Variants in HS3ST6 observed in about 807,000 individuals in gnomAD.
HS3ST6 encodes the protein heparan sulfate-glucosamine 3-sulfotransferase 6, also known as heparan sulfate glucosamine 3-O-sulfotransferase 6.
In HS3ST6, 13 loss-of-function variants were observed where a neutral mutation model predicts 11.0. The ratio of observed to expected loss-of-function variants is 1.18; its 90% CI spans 0.77 to 1.88. HS3ST6 has a LOEUF of 1.88. HS3ST6 is among the 40% of genes most tolerant of loss of function. The pLI is 0.00. For missense variants in HS3ST6, 541 were observed against 494.4 expected, an observed-to-expected ratio of 1.09 and a Z score of -0.89; for synonymous variants, 232 against 230.6, an observed-to-expected ratio of 1.01 and a Z score of -0.06.
At chr16:1,917,339 C>T (rs2082932700) in intron 1 of HS3ST6, among the ~76,000 whole-genome samples, 1 of 152,184 alleles carries the variant, frequency 6.6e-6, no homozygotes, top group Admixed American at 6.5e-5. Context: ...GCCCCATGCA[C>T]GGGGCTGGAC....
upstream of HS3ST6, among the ~76,000 whole-genome samples, chr16:1,920,414 C>T (rs1252713705): frequency 3.8e-4 from 48 of 126,354 alleles, no homozygotes; most frequent in East Asian, 7.4e-4. Context: ...GCAGTCCCCA[C>T]GGTCTCAGCC....
chr16:1,918,351 C>T lies in HS3ST6; in HGVS notation c.-28G>A, dbSNP rs1216229200. 22 of 307,300 alleles carry T rather than the reference C, an allele frequency of 7.2e-5. No homozygotes were observed. The East Asian group carries it at 2.8e-3, about 39-fold the overall frequency. The allele number at this position is 307,300 out of a possible 1,614,324, so 19.0% of individuals were successfully genotyped here. ...GGTCGCGCCGCTCCAGGCCCGGGAG[C>T]GGGGGCAGCAGGCGGGCGCGCATCT... On this transcript the variant is annotated 5_prime_UTR_variant, in exon 1 of 2. Transcript: ENST00000454677. This position sits in a 1 kb window ranked among gnomAD's most constrained non-coding sequence, Gnocchi z 6.0.
At position 1,911,539 on chromosome 16, in the gene HS3ST6, G is replaced by C. The variant is rs1369103556; in HGVS notation, c.*51C>G. ...CCAGCATGTGCACGCAGCCCGCTCT[G>C]GCCAGGCGAGCGGGTGTCAATCAAG... On this transcript the variant is annotated 3_prime_UTR_variant, in exon 2 of 2. Transcript: ENST00000454677. The C allele has an allele frequency of 2.2e-5, 33 of 1,498,984 alleles. No homozygotes were observed. The East Asian group carries it at 7.6e-4, about 35-fold the overall frequency. The allele number at this position is 1,498,984 out of a possible 1,614,324, so 92.9% of individuals were successfully genotyped here. A position where few individuals can be genotyped will look rare whatever the true frequency, so the allele number is the denominator to read the frequency against.
At chr16:1,915,368 C>T (rs1474950731) in intron 1 of HS3ST6, among the ~76,000 whole-genome samples, 2 of 152,172 alleles carry the variant, frequency 1.3e-5, no homozygotes, top group African/African-American at 2.4e-5. Flanking sequence ...CTCTGCCTCC[C>T]GGGTTCAAGC....
intron 1 of HS3ST6, among the ~76,000 whole-genome samples, chr16:1,917,516 T>C (rs1051727949): frequency 6.6e-6 from 1 of 152,238 alleles, no homozygotes; most frequent in South Asian, 2.1e-4. Context: ...CTTTCTACAG[T>C]ACCTGGCCAG....
rs200057891 is a variant in HS3ST6 at position 1,911,867 on chromosome 16, C to T, written c.752G>A (p.Arg251His). Residue 251 changes from arginine to histidine, a missense_variant, in exon 2 of 2, where the codon CGT (arginine) becomes CAT (histidine). Coordinates refer to ENST00000454677, the MANE Select transcript of HS3ST6 (RefSeq NM_001009606.4). ...CTCTCCGGCCGGGTCGCTGACCAGA[C>T]GCTCCCCGCTGACGAACAGGAAGTG... The part of the protein sequence containing the change: ...LSHFLFVSGE[R>H]LVSDPAGEVG... The T allele has an allele frequency of 2.8e-4, 456 of 1,607,656 alleles. 3 individuals are homozygous for T. Among genetic ancestry groups the T allele is most frequent in the Middle Eastern group, 6.6e-4 (4 of 6,050 alleles).
At position 1,911,870 on chromosome 16, in the gene HS3ST6, T is replaced by G. The variant is rs774461550; in HGVS notation, c.749A>C (p.Glu250Ala). Residue 250 changes from glutamate (E) to alanine (A), a missense_variant, in exon 2 of 2, where the codon GAG (glutamate) becomes GCG (alanine). Transcript: ENST00000454677. ...PLSHFLFVSGERLVSDPAGEV... is the reference protein window; with the variant it reads ...PLSHFLFVSGARLVSDPAGEV... ...TCCGGCCGGGTCGCTGACCAGACGCTCCCCGCTGACGAACAGGAAGTGGGA... is the reference window on the plus strand; with the variant it reads ...TCCGGCCGGGTCGCTGACCAGACGCGCCCCGCTGACGAACAGGAAGTGGGA... 1 of 1,607,824 alleles carries G rather than the reference T, an allele frequency of 6.2e-7. No individual in the cohort carries two copies. Among genetic ancestry groups the G allele is most frequent in the Non-Finnish European group, 8.5e-7 (1 of 1,176,420 alleles).
chr16:1,914,086 C>A (rs2082910180), intron 1 of HS3ST6, among the ~76,000 whole-genome samples: 1 of 152,154 alleles, frequency 6.6e-6, no homozygotes, highest in Non-Finnish European at 1.5e-5. Flanking sequence ...GAAGCAGCCA[C>A]AGGGAGACTG....
chr16:1,918,765 C>G (rs890527856), upstream of HS3ST6, among the ~76,000 whole-genome samples: 11 of 152,160 alleles, frequency 7.2e-5, no homozygotes, highest in African/African-American at 1.2e-4. The surrounding 1 kb of genome is among the most constrained non-coding windows in gnomAD (Gnocchi z 6.0). Context: ...CCCCCCACCC[C>G]ACTCCGGGAC....
upstream of HS3ST6, among the ~76,000 whole-genome samples, chr16:1,919,517 C>G (rs1260112690): frequency 6.6e-6 from 1 of 152,256 alleles, no homozygotes. Flanking sequence ...GCCTTCCTGG[C>G]CACAGGGCTG....
At chr16:1,918,968 C>A (rs1243416373), upstream of HS3ST6, among the ~76,000 whole-genome samples, 8 of 152,178 alleles carry the variant, frequency 5.3e-5, no homozygotes, top group Non-Finnish European at 1.2e-4. This position sits in a 1 kb window ranked among gnomAD's most constrained non-coding sequence, Gnocchi z 6.0. Flanking sequence ...GAATGGCGTG[C>A]GTCCTGCACT....
chr16:1,917,462 G>GA lies in HS3ST6; in HGVS notation c.413+448dup, dbSNP rs2082933608. ...TGTGCGCAGACTCGGGGGTCTTGGG[G>GA]AGGAAGGACGCTTTCTAGGTGGCTG... On this transcript the variant is annotated intron_variant, in intron 1 of 1. Transcript: ENST00000454677. 3.3e-5 allele frequency among the ~76,000 whole-genome samples: 5 copies of GA among 152,276 alleles called. No individual in the cohort carries two copies. The South Asian group carries it at 1.0e-3, about 32-fold the overall frequency.
chr16:1,919,440 G>A (rs1019015404), upstream of HS3ST6, among the ~76,000 whole-genome samples: 6 of 152,232 alleles, frequency 3.9e-5, no homozygotes, highest in Admixed American at 3.3e-4. Flanking sequence ...CAGAGAGGGC[G>A]AGCAACTTGC....
chr16:1,919,242 GGACTCAGGGACCCCT>G (rs932287561), upstream of HS3ST6, among the ~76,000 whole-genome samples: 1 of 152,174 alleles, frequency 6.6e-6, no homozygotes, highest in Non-Finnish European at 1.5e-5. Context: ...GGAGTACAAA[GGACTCAGGGACCCCT>G]GTGCTGGGGA....
At chr16:1,913,823 C>T (rs902591025) in intron 1 of HS3ST6, among the ~76,000 whole-genome samples, 21 of 152,168 alleles carry the variant, frequency 1.4e-4, no homozygotes, top group Admixed American at 4.6e-4. Context: ...GCACAGACCC[C>T]TGCAGTGGGG....
upstream of HS3ST6, among the ~76,000 whole-genome samples, chr16:1,919,627 G>A (rs950913241): frequency 2.6e-5 from 4 of 152,220 alleles, no homozygotes; most frequent in African/African-American, 7.2e-5. Flanking sequence ...TTAATGAGCC[G>A]TTCCAGCCCT....
chr16:1,917,958 C>A lies in HS3ST6; in HGVS notation c.366G>T (p.Glu122Asp). The A allele has an allele frequency of 6.6e-7, 1 of 1,522,312 alleles. No individual in the cohort carries two copies. 94.3% of individuals were successfully genotyped at this position (1,522,312 alleles called of 1,614,324 possible). ...LHPDVRALGS[E>D]PHFFDRCYER... Reference sequence around the variant, plus strand: ...CGTAGCACCTGTCGAAGAAGTGGGGCTCAGAGCCCAGCGCGCGGACGTCGG... The same window carrying A: ...CGTAGCACCTGTCGAAGAAGTGGGGATCAGAGCCCAGCGCGCGGACGTCGG... Residue 122 changes from glutamate (E) to aspartate (D), a missense_variant, in exon 1 of 2, where the codon GAG becomes GAT. Transcript: ENST00000454677.
In HS3ST6 at chr16:1,914,714, AC is replaced by A. The variant is rs532643574; in HGVS notation, c.414-2510del. 6.6e-5 allele frequency among the ~76,000 whole-genome samples: 10 copies of A among 151,906 alleles called. 1 individual carries two copies. The South Asian group carries it at 2.1e-3, about 32-fold the overall frequency. On this transcript the variant is annotated intron_variant, in intron 1 of 1. Coordinates refer to ENST00000454677, the MANE Select transcript of HS3ST6 (RefSeq NM_001009606.4). ...CTCCGTAGGGGGATGGGGTTCCCGGACCCCCTGCCGTGGAAGGGGAGTGGGA... is the reference window on the plus strand; with the variant it reads ...CTCCGTAGGGGGATGGGGTTCCCGGACCCCTGCCGTGGAAGGGGAGTGGGA...
chr16:1,917,967 C>A lies in HS3ST6; in HGVS notation c.357G>T (p.Leu119=). ...TGTCGAAGAAGTGGGGCTCAGAGCCCAGCGCGCGGACGTCGGGGTGCAGCC... is the reference window on the plus strand; with the variant it reads ...TGTCGAAGAAGTGGGGCTCAGAGCCAAGCGCGCGGACGTCGGGGTGCAGCC... ...FLRLHPDVRA[L]GSEPHFFDRC... Residue 119 remains leucine (L), a synonymous_variant, in exon 1 of 2, where the codon CTG becomes CTT. Transcript: ENST00000454677. 2 of 1,524,494 alleles carry A rather than the reference C, an allele frequency of 1.3e-6. No individual in the cohort carries two copies. The highest frequency in any genetic ancestry group is 1.4e-5 in the African/African-American group (1 of 70,636). The allele number at this position is 1,524,494 out of a possible 1,614,324, so 94.4% of individuals were successfully genotyped here.
Sources: gnomAD v4.1 joint callset for allele counts (sites outside exome capture counted in the v4.1 genomes callset) on GRCh38, gnomAD v4.1.1 for gene constraint, Gnocchi (gnomAD v3.1) non-coding constraint, MANE v1.5 for transcripts, NCBI Gene and HGNC (gene_info 2026-07-23, HGNC 2026-07-21) for gene names.